The following EAF2 variants were observed in gnomAD, a reference collection of about 807,000 sequenced individuals.
EAF2 encodes the protein ELL associated factor 2.
In EAF2, 29 loss-of-function variants were observed where a neutral mutation model predicts 29.4. The observed-to-expected ratio is 0.99, with a 90% CI of 0.73 to 1.35. EAF2 has a LOEUF of 1.35. EAF2 is among the 40% of genes most tolerant of loss of function. EAF2 has a pLI of 0.00. For missense variants in EAF2, 292 were observed against 312.0 expected, an observed-to-expected ratio of 0.94 and a Z score of 0.48; for synonymous variants, 103 against 102.5, an observed-to-expected ratio of 1.00 and a Z score of -0.03.
At chr3:121,876,808 A>G (rs1202184372) in intron 5 of EAF2, among the ~76,000 whole-genome samples, 2 of 151,984 alleles carry the variant, frequency 1.3e-5, no homozygotes, top group Non-Finnish European at 2.9e-5. Flanking sequence ...TCTAGTAGAA[A>G]GCAGAGAAGG....
At chr3:121,877,598 A>G (rs988581767) in intron 5 of EAF2, among the ~76,000 whole-genome samples, 2 of 151,928 alleles carry the variant, frequency 1.3e-5, no homozygotes, top group African/African-American at 4.8e-5. Context: ...ATGCCAAATA[A>G]CTTACATGTT....
chr3:121,877,665 A>G (rs1380589576), intron 5 of EAF2, among the ~76,000 whole-genome samples: 1 of 151,988 alleles, frequency 6.6e-6, no homozygotes. Flanking sequence ...AAAAAATTGA[A>G]TACTGTTATG....
intron 1 of EAF2, among the ~76,000 whole-genome samples, chr3:121,836,033 A>G (rs1708270979): frequency 6.6e-6 from 1 of 152,186 alleles, no homozygotes; most frequent in African/African-American, 2.4e-5. Flanking sequence ...TGTCCTCTGG[A>G]ACTAGTTTTA....
chr3:121,871,343 T>C (rs1576653922), intron 4 of EAF2, among the ~76,000 whole-genome samples: 1 of 151,950 alleles, frequency 6.6e-6, no homozygotes, highest in Admixed American at 6.6e-5. Context: ...CAAAAATCTT[T>C]GGTAATAAAA....
chr3:121,884,706 T>G (rs1265130846), intron 5 of EAF2, among the ~76,000 whole-genome samples: 1 of 95,736 alleles, frequency 1.0e-5, no homozygotes, highest in Non-Finnish European at 2.7e-5. Context: ...ATTACAGGCG[T>G]GAGCCACCGC....
intron 2 of EAF2, among the ~76,000 whole-genome samples, chr3:121,847,249 G>T (rs1057103789): frequency 6.6e-6 from 1 of 152,108 alleles, no homozygotes; most frequent in African/African-American, 2.4e-5. Context: ...ACTATAAAAA[G>T]ATATACATAG....
intron 4 of EAF2, among the ~76,000 whole-genome samples, chr3:121,871,335 A>G (rs888919662): frequency 6.6e-6 from 1 of 151,482 alleles, no homozygotes; most frequent in Non-Finnish European, 1.5e-5. Context: ...CGAATAGACA[A>G]AAATCTTTGG....
intron 2 of EAF2, among the ~76,000 whole-genome samples, chr3:121,845,440 C>CAAAA (rs747436052): frequency 1.3e-3 from 76 of 59,426 alleles, no homozygotes; most frequent in Non-Finnish European, 1.7e-3. Flanking sequence ...TCCTACATCT[C>CAAAA]AAAAAAAAAA....
Position 121,840,515 on chromosome 3 carries a change from A to AAAAAAC in EAF2, c.107-3933_107-3932insCAAAAA, listed in dbSNP as rs1708397765. Among the ~76,000 whole-genome samples, 77 of 97,934 alleles carry AAAAAAC rather than the reference A, an allele frequency of 7.9e-4. 3 individuals carry two copies. Among genetic ancestry groups the AAAAAAC allele is most frequent in the South Asian group, 2.4e-3 (7 of 2,862 alleles). 64.2% of individuals were successfully genotyped at this position (97,934 alleles called of 152,430 possible). Reference sequence around the variant, plus strand: ...AAAAAAAAAAAAAAAAAAAGAAAAAAAAAAAACGGGCCGGGTGCGGTGGCT... The same window carrying AAAAAAC: ...AAAAAAAAAAAAAAAAAAAGAAAAAAAAAAACAAAAAACGGGCCGGGTGCGGTGGCT... On this transcript the variant is annotated intron_variant, in intron 1 of 5. Coordinates refer to ENST00000273668, the MANE Select transcript of EAF2 (RefSeq NM_018456.6).
At chr3:121,848,401 G>T (rs574379220) in intron 2 of EAF2, among the ~76,000 whole-genome samples, 1 of 152,294 alleles carries the variant, frequency 6.6e-6, no homozygotes, top group East Asian at 1.9e-4. Context: ...TAATGGTATA[G>T]ATCTGCTAAT....
intron 3 of EAF2, among the ~76,000 whole-genome samples, chr3:121,855,525 A>G (rs1708704016): frequency 6.6e-6 from 1 of 152,196 alleles, no homozygotes; most frequent in Non-Finnish European, 1.5e-5. Flanking sequence ...ACCTTAAATC[A>G]GGGAAGGATC....
chr3:121,873,886 C>T (rs1427432521), intron 5 of EAF2, among the ~76,000 whole-genome samples: 1 of 151,882 alleles, frequency 6.6e-6, no homozygotes, highest in African/African-American at 2.4e-5. Flanking sequence ...AGCTTCACCA[C>T]AAGCTCCTAT....
intron 4 of EAF2, among the ~76,000 whole-genome samples, chr3:121,865,475 G>A (rs2107530999): frequency 6.6e-6 from 1 of 152,154 alleles, no homozygotes; most frequent in Admixed American, 6.6e-5. Flanking sequence ...GTTTATGTCT[G>A]GCAGTTGTAC....
In EAF2 at chr3:121,844,540, AT is replaced by A; in HGVS notation, c.195del (p.Asn65LysfsTer2). ...EGEQVTITLP[N>X]IEGSTPPVTV... ...GAACAGGTGACCATAACTCTGCCAA[AT>A]ATAGAAGTGAGTATTTCTGTATCTT... On this transcript the variant is annotated frameshift_variant, in exon 2 of 6. Coordinates refer to ENST00000273668, the MANE Select transcript of EAF2 (RefSeq NM_018456.6). LOFTEE classifies it high-confidence loss of function. 6.3e-7 allele frequency: 1 copy of A among 1,593,234 alleles called. No individual in the cohort carries two copies. Among genetic ancestry groups the A allele is most frequent in the African/African-American group, 1.3e-5 (1 of 74,422 alleles).
At chr3:121,844,375 A>G in intron 1 of EAF2, 78 bp from the exon 2 acceptor site, 1 of 881,532 alleles carries the variant, frequency 1.1e-6, no homozygotes, top group Non-Finnish European at 1.8e-6. Context: ...ATGATTTATC[A>G]TTCTGAAACA....
intron 5 of EAF2, among the ~76,000 whole-genome samples, chr3:121,874,593 C>G (rs1032961616): frequency 3.9e-5 from 6 of 151,906 alleles, no homozygotes; most frequent in Admixed American, 1.3e-4. Context: ...TTTCTTGTAA[C>G]TTCAGTTTCC....
At chr3:121,839,010 C>A (rs1264610113) in intron 1 of EAF2, among the ~76,000 whole-genome samples, 1 of 151,910 alleles carries the variant, frequency 6.6e-6, no homozygotes, top group Non-Finnish European at 1.5e-5. Context: ...AATGTTCAAC[C>A]CAAAATTTTT....
intron 4 of EAF2, among the ~76,000 whole-genome samples, chr3:121,868,788 T>C (rs1026483505): frequency 2.6e-5 from 4 of 152,294 alleles, no homozygotes; most frequent in African/African-American, 7.2e-5. Context: ...ATTTCAACAC[T>C]CTGCTCTCAG....
At chr3:121,863,029 A>T (rs1235678087) in intron 4 of EAF2, among the ~76,000 whole-genome samples, 3 of 152,136 alleles carry the variant, frequency 2.0e-5, no homozygotes, top group Admixed American at 2.0e-4. Context: ...AGAAGGGCAA[A>T]TGTTGCTGCC....
Sources: gnomAD v4.1 joint callset for allele counts (sites outside exome capture counted in the v4.1 genomes callset) on GRCh38, gnomAD v4.1.1 for gene constraint, MANE v1.5 for transcripts, NCBI Gene and HGNC (gene_info 2026-07-23, HGNC 2026-07-21) for gene names.